CNTN5: variants seen among roughly 807,000 people sequenced by gnomAD.
The protein encoded by CNTN5 is contactin 5.
CNTN5 carries 77 observed loss-of-function variants against 129.1 expected under a neutral mutation model. That is an observed-to-expected ratio of 0.60 (90% CI 0.50 to 0.72). The LOEUF (loss-of-function observed/expected upper bound fraction) is 0.72. Among genes scored for constraint, CNTN5 ranks in the 30% least tolerant of loss-of-function variants. The probability of loss-of-function intolerance (pLI) is 0.00; values close to 1 mark genes in which losing one functional copy is unlikely to be tolerated. For synonymous variants in CNTN5, 509 were observed against 465.6 expected (o/e 1.09, Z -1.20); for missense variants, 1,478 against 1,328.8 (o/e 1.11, Z -1.75).
intron 18 of CNTN5, among the ~76,000 whole-genome samples, chr11:100,280,910 C>T (rs374610493): frequency 4.0e-5 from 6 of 151,778 alleles, no homozygotes; most frequent in East Asian, 1.9e-4. Flanking sequence ...TATTTTAAGC[C>T]GGTAATAACT....
intron 13 of CNTN5, among the ~76,000 whole-genome samples, chr11:100,162,608 T>C (rs951670200): frequency 3.0e-4 from 45 of 151,958 alleles, no homozygotes; most frequent in African/African-American, 1.0e-3. Flanking sequence ...TTGTTAGATA[T>C]AACTCATTCA....
intron 3 of CNTN5, among the ~76,000 whole-genome samples, chr11:99,723,869 A>G (rs1943252660): frequency 6.6e-6 from 1 of 152,196 alleles, no homozygotes; most frequent in Non-Finnish European, 1.5e-5. Context: ...ACTGAGGCTC[A>G]GATAATTTTA....
intron 2 of CNTN5, among the ~76,000 whole-genome samples, chr11:99,363,726 G>A (rs1308943342): frequency 6.6e-6 from 1 of 152,070 alleles, no homozygotes; most frequent in African/African-American, 2.4e-5. Flanking sequence ...AAGATCAGTA[G>A]GGTAGGAAAA....
At chr11:99,674,836 C>G (rs1019238871) in intron 3 of CNTN5, among the ~76,000 whole-genome samples, 2 of 152,100 alleles carry the variant, frequency 1.3e-5, no homozygotes, top group Admixed American at 6.6e-5. Flanking sequence ...CCTCTGAAAC[C>G]AATGAATTCT....
intron 13 of CNTN5, among the ~76,000 whole-genome samples, chr11:100,084,332 A>G (rs1053730796): frequency 1.9e-4 from 29 of 152,142 alleles, no homozygotes; most frequent in African/African-American, 7.0e-4. Flanking sequence ...AACTGATTCG[A>G]CTACCTCCCC....
intron 3 of CNTN5, among the ~76,000 whole-genome samples, chr11:99,658,338 T>C (rs1031046404): frequency 6.6e-6 from 1 of 152,022 alleles, no homozygotes; most frequent in Non-Finnish European, 1.5e-5. Context: ...TCAGAACAAG[T>C]GAATAGAGTC....
rs138225893 is a variant in CNTN5, at chr11:99,512,842, C to A, written c.-70-43303C>A. Reference sequence around the variant, plus strand: ...TCCTCCATCCTTATTCCCTGAGACACAACAGTATTGAAATAGGCCAATGAA... The same window carrying A: ...TCCTCCATCCTTATTCCCTGAGACAAAACAGTATTGAAATAGGCCAATGAA... On this transcript the variant is annotated intron_variant, in intron 2 of 24. Coordinates refer to ENST00000524871, the MANE Select transcript of CNTN5 (RefSeq NM_014361.4). Among the ~76,000 whole-genome samples, 184 of 152,218 alleles carry A rather than the reference C, an allele frequency of 1.2e-3. 1 individual carries two copies. Among genetic ancestry groups the A allele is most frequent in the Middle Eastern group, 6.8e-3 (2 of 294 alleles).
intron 18 of CNTN5, among the ~76,000 whole-genome samples, chr11:100,279,489 A>T (rs1330164275): frequency 6.6e-6 from 1 of 151,666 alleles, no homozygotes; most frequent in Non-Finnish European, 1.5e-5. Flanking sequence ...AGCTTCAATC[A>T]CACATTATCG....
chr11:99,926,280 G>A (rs1950060551), intron 7 of CNTN5, among the ~76,000 whole-genome samples: 2 of 152,092 alleles, frequency 1.3e-5, no homozygotes, highest in Admixed American at 6.5e-5. Context: ...AAGATGAATG[G>A]CACTTGGAAA....
intron 2 of CNTN5, among the ~76,000 whole-genome samples, chr11:99,397,002 A>T (rs961729012): frequency 6.6e-6 from 1 of 151,730 alleles, no homozygotes; most frequent in Non-Finnish European, 1.5e-5. Flanking sequence ...GAGCATCTCA[A>T]AAAGTTTGAC....
chr11:99,851,624 A>G (rs1488642151), intron 6 of CNTN5, among the ~76,000 whole-genome samples: 1 of 152,222 alleles, frequency 6.6e-6, no homozygotes, highest in Non-Finnish European at 1.5e-5. Context: ...TCTTACTTCA[A>G]AAATACCTTT....
intron 6 of CNTN5, among the ~76,000 whole-genome samples, chr11:99,897,390 G>A (rs560847058): frequency 4.6e-5 from 7 of 151,976 alleles, no homozygotes; most frequent in Non-Finnish European, 8.8e-5. Context: ...TGTTAAAGGC[G>A]GCTAGAGAAA....
At chr11:99,056,711 C>T (rs1395794592) in intron 1 of CNTN5, among the ~76,000 whole-genome samples, 1 of 151,960 alleles carries the variant, frequency 6.6e-6, no homozygotes, top group Non-Finnish European at 1.5e-5. Context: ...AACAAGTTCC[C>T]AGCTTCATTG....
At chr11:99,795,160 T>A (rs1945889149) in intron 3 of CNTN5, among the ~76,000 whole-genome samples, 1 of 152,222 alleles carries the variant, frequency 6.6e-6, no homozygotes, top group South Asian at 2.1e-4. Context: ...GACTACATTC[T>A]GTTAGAGTTG....
Position 99,993,508 on chromosome 11 carries a change from T to C in CNTN5, c.878-8526T>C, listed in dbSNP as rs1282336387. Among the ~76,000 whole-genome samples the C allele has an allele frequency of 1.3e-5, 2 of 152,150 alleles. 1 individual carries two copies. Among genetic ancestry groups the C allele is most frequent in the East Asian group, 3.9e-4 (2 of 5,180 alleles). On this transcript the variant is annotated intron_variant, in intron 8 of 24. Coordinates refer to ENST00000524871, the MANE Select transcript of CNTN5 (RefSeq NM_014361.4). ...CAGAGGGATGGTTTCAGGATGAAACTTTTCCACCTCAGACCATCAGGCTTT... is the reference window on the plus strand; with the variant it reads ...CAGAGGGATGGTTTCAGGATGAAACCTTTCCACCTCAGACCATCAGGCTTT...
chr11:99,700,556 G>T (rs1591498875), intron 3 of CNTN5, among the ~76,000 whole-genome samples: 1 of 151,268 alleles, frequency 6.6e-6, no homozygotes, highest in Admixed American at 6.6e-5. Context: ...TTAGCAGGTT[G>T]ACTGAAAAAT....
intron 3 of CNTN5, among the ~76,000 whole-genome samples, chr11:99,750,232 A>G (rs1316085411): frequency 3.3e-5 from 5 of 152,142 alleles, no homozygotes; most frequent in Non-Finnish European, 7.3e-5. Context: ...TTCTCTCTAT[A>G]TTTCATGTCT....
chr11:100,131,603 A>G (rs1946380922), intron 13 of CNTN5, among the ~76,000 whole-genome samples: 1 of 152,036 alleles, frequency 6.6e-6, no homozygotes, highest in Non-Finnish European at 1.5e-5. Context: ...CAGAGAGTAT[A>G]AATGAAAAGG....
chr11:99,917,644 T>A (rs1215204031), intron 7 of CNTN5, among the ~76,000 whole-genome samples: 1 of 151,354 alleles, frequency 6.6e-6, no homozygotes, highest in African/African-American at 2.4e-5. Flanking sequence ...ATAAGCAAGA[T>A]TTTCTGAGAT....
Sources: allele counts gnomAD v4.1 joint callset (sites outside exome capture counted in the v4.1 genomes callset), GRCh38; gene constraint gnomAD v4.1.1; transcripts MANE v1.5; gene names NCBI Gene and HGNC (gene_info 2026-07-23, HGNC 2026-07-21).